CNTNAP4: variants seen among roughly 807,000 people sequenced by gnomAD.
CNTNAP4 encodes the protein contactin associated protein family member 4, also known as contactin-associated protein-like 4.
A neutral mutation model predicts 148.4 loss-of-function variants in CNTNAP4; 98 were observed. The observed-to-expected ratio is 0.66, with a 90% CI of 0.56 to 0.78. The LOEUF (loss-of-function observed/expected upper bound fraction) is 0.78, where lower values mean the gene tolerates loss of function less well. CNTNAP4 is among the 30% of genes least tolerant of loss of function. CNTNAP4 has a pLI of 0.00. For synonymous variants in CNTNAP4, 730 were observed against 565.1 expected, an observed-to-expected ratio of 1.29 and a Z score of -4.14; for missense variants, 1,935 against 1,565.6, an observed-to-expected ratio of 1.24 and a Z score of -3.98.
chr16:76,481,807 T>C (rs141288832), intron 12 of CNTNAP4, among the ~76,000 whole-genome samples: 3 of 152,210 alleles, frequency 2.0e-5, no homozygotes, highest in African/African-American at 4.8e-5. Flanking sequence ...CTGAGACAGA[T>C]GATCTTACTT....
chr16:76,521,968 T>C, intron 16 of CNTNAP4, 71 bp from the exon 17 acceptor site: 1 of 1,347,042 alleles, frequency 7.4e-7, no homozygotes, highest in Non-Finnish European at 1.1e-6. Context: ...AGTGTGTTCC[T>C]AAGTATATTG....
chr16:76,544,162 T>C (rs1377172454), intron 21 of CNTNAP4, among the ~76,000 whole-genome samples: 2 of 152,172 alleles, frequency 1.3e-5, no homozygotes, highest in Non-Finnish European at 1.5e-5. Flanking sequence ...TCTTCTGTTT[T>C]TATAATGTCT....
chr16:76,553,461 C>T lies in CNTNAP4; in HGVS notation c.3621C>T (p.Gly1207=). 2.5e-6 allele frequency: 4 copies of T among 1,612,304 alleles called. No individual in the cohort carries two copies. Among genetic ancestry groups the T allele is most frequent in the Non-Finnish European group, 3.4e-6 (4 of 1,179,202 alleles). ...AGTCCAGCTGTATGGCCCAGCCTGG[C>T]ACTGATGCCACATCAAGGGAAAGGA... is the stretch of plus-strand genomic sequence containing the variant. ...VTESSCMAQP[G]TDATSRERTH... Residue 1207 remains glycine (G), a synonymous_variant, in exon 22 of 24, where the codon GGC becomes GGT. Coordinates refer to ENST00000611870, the MANE Select transcript of CNTNAP4 (RefSeq NM_033401.5).
chr16:76,426,171 A>G (rs1049638070), intron 3 of CNTNAP4, among the ~76,000 whole-genome samples: 5 of 152,196 alleles, frequency 3.3e-5, no homozygotes, highest in African/African-American at 4.8e-5. Context: ...ATTGACAAGG[A>G]GAATCAAATT....
chr16:76,313,673 T>G (rs1875501758), intron 1 of CNTNAP4, among the ~76,000 whole-genome samples: 1 of 152,184 alleles, frequency 6.6e-6, no homozygotes, highest in Non-Finnish European at 1.5e-5. Flanking sequence ...AGACTTTGAA[T>G]GAAAACGAGA....
intron 15 of CNTNAP4, among the ~76,000 whole-genome samples, chr16:76,502,443 C>G (rs2143921016): frequency 6.6e-6 from 1 of 150,988 alleles, no homozygotes; most frequent in South Asian, 2.1e-4. Flanking sequence ...GAGGATCATG[C>G]ACGGTAGGCC....
chr16:76,524,939 G>T (rs1443636046), intron 17 of CNTNAP4, among the ~76,000 whole-genome samples: 2 of 151,844 alleles, frequency 1.3e-5, no homozygotes, highest in Non-Finnish European at 2.9e-5. Context: ...ACATGATTTA[G>T]TGTGGTGATA....
Position 76,489,870 on chromosome 16 carries a change from G to T in CNTNAP4, c.2067G>T (p.Leu689=), listed in dbSNP as rs1191148571. The change falls in exon 13 of 24, where the codon CTG becomes CTT. Residue 689 remains leucine, a synonymous_variant. Coordinates refer to ENST00000611870, the MANE Select transcript of CNTNAP4 (RefSeq NM_033401.5). The stretch of plus-strand genomic sequence containing the variant: ...CTTATTACTGCAAGAAGTCACGGCT[G>T]GTCAATAAGCAAGGTAAGTAAACCA... ...EFTYYCKKSR[L]VNKQDGTPLS... 1 of 1,552,870 alleles carries T rather than the reference G, an allele frequency of 6.4e-7. No homozygotes were observed. Among genetic ancestry groups the T allele is most frequent in the Non-Finnish European group, 8.8e-7 (1 of 1,140,632 alleles).
intron 4 of CNTNAP4, among the ~76,000 whole-genome samples, chr16:76,435,614 G>T (rs939580258): frequency 6.6e-6 from 1 of 152,076 alleles, no homozygotes; most frequent in Non-Finnish European, 1.5e-5. Context: ...TTGGTCAAGG[G>T]TATATCTTCT....
At chr16:76,293,761 T>C (rs1959177459) in intron 1 of CNTNAP4, among the ~76,000 whole-genome samples, 1 of 150,916 alleles carries the variant, frequency 6.6e-6, no homozygotes, top group Non-Finnish European at 1.5e-5. Context: ...TCAGGTGAAA[T>C]AGTACAAGCA....
In CNTNAP4 at chr16:76,374,967, C is replaced by G. The variant is rs535203342; in HGVS notation, c.390+19456C>G. On this transcript the variant is annotated intron_variant, in intron 3 of 23. Transcript: ENST00000611870. ...CTTTTTTAGTAGAGATGGGGTTTCA[C>G]CATGTTGGCCAGGCTGGTCTCGAAC... Among the ~76,000 whole-genome samples the G allele has an allele frequency of 4.4e-3, 662 of 152,006 alleles. 2 individuals are homozygous for G. The highest frequency in any genetic ancestry group is 7.5e-3 in the Non-Finnish European group (507 of 67,982).
At chr16:76,513,257 C>T (rs910927738) in intron 15 of CNTNAP4, among the ~76,000 whole-genome samples, 1 of 152,088 alleles carries the variant, frequency 6.6e-6, no homozygotes, top group Non-Finnish European at 1.5e-5. Flanking sequence ...CTGTCTTCTG[C>T]TCTTTTCTTA....
rs371986487 is a variant in CNTNAP4, at chr16:76,482,389, AG to A, written c.1882+2852del. On this transcript the variant is annotated intron_variant, in intron 12 of 23. Coordinates refer to ENST00000611870, the MANE Select transcript of CNTNAP4 (RefSeq NM_033401.5). ...AATTGTCATTATTTAAGATGTGATC[AG>A]AAAAGGTTTAAGGTGAAAGATCATA... Among the ~76,000 whole-genome samples, 262 of 152,222 alleles carry A rather than the reference AG, an allele frequency of 1.7e-3. 1 individual carries two copies. The highest frequency in any genetic ancestry group is 5.7e-3 in the African/African-American group (238 of 41,544).
At chr16:76,290,949 C>A (rs189588981) in intron 1 of CNTNAP4, among the ~76,000 whole-genome samples, 119 of 152,246 alleles carry the variant, frequency 7.8e-4, no homozygotes, top group African/African-American at 2.7e-3. Flanking sequence ...TGTGGCCTTT[C>A]CTTTGTGCAC....
intron 9 of CNTNAP4, among the ~76,000 whole-genome samples, chr16:76,462,701 G>T (rs1256518585): frequency 6.6e-6 from 1 of 152,056 alleles, no homozygotes; most frequent in Non-Finnish European, 1.5e-5. Flanking sequence ...TGAACTAAAA[G>T]CCTGGAAAAG....
intron 15 of CNTNAP4, among the ~76,000 whole-genome samples, chr16:76,514,982 A>G (rs1030525642): frequency 2.0e-5 from 3 of 152,216 alleles, no homozygotes; most frequent in African/African-American, 7.2e-5. Context: ...GCTTGTTGGA[A>G]TTTTATATGC....
intron 2 of CNTNAP4, among the ~76,000 whole-genome samples, chr16:76,339,942 T>G (rs141163448): frequency 2.8e-4 from 43 of 152,330 alleles, no homozygotes; most frequent in Non-Finnish European, 4.7e-4. Context: ...AGTTGATATT[T>G]TAACTGCAGC....
intron 2 of CNTNAP4, among the ~76,000 whole-genome samples, chr16:76,320,628 T>C (rs1962307421): frequency 6.6e-6 from 1 of 152,164 alleles, no homozygotes; most frequent in African/African-American, 2.4e-5. Flanking sequence ...TAAATTTTAA[T>C]GGGCAATTTA....
intron 3 of CNTNAP4, among the ~76,000 whole-genome samples, chr16:76,397,122 G>C (rs2078229503): frequency 6.6e-6 from 1 of 151,912 alleles, no homozygotes; most frequent in African/African-American, 2.4e-5. Context: ...GGGCCTACAA[G>C]AGAAAGAACA....
Sources: allele counts gnomAD v4.1 joint callset (sites outside exome capture counted in the v4.1 genomes callset), GRCh38; gene constraint gnomAD v4.1.1; transcripts MANE v1.5; gene names NCBI Gene and HGNC (gene_info 2026-07-23, HGNC 2026-07-21).